LRP1B: variants seen among roughly 807,000 people sequenced by gnomAD.
LRP1B encodes the protein low-density lipoprotein receptor-related protein 1B.
In LRP1B, 217 loss-of-function variants were observed where a neutral mutation model predicts 556.6. The observed-to-expected ratio is 0.39, with a 90% CI of 0.35 to 0.44. The LOEUF is 0.44. Ranked by LOEUF, LRP1B falls within the 20% of genes least tolerant of loss-of-function variation. The pLI is 1.00. For synonymous variants in LRP1B, 2,047 were observed against 1,865.8 expected, an observed-to-expected ratio of 1.10 and a Z score of -2.50; for missense variants, 5,053 against 5,620.8, an observed-to-expected ratio of 0.90 and a Z score of 3.23.
At chr2:141,369,889 A>G (rs1489133535) in intron 3 of LRP1B, among the ~76,000 whole-genome samples, 1 of 152,186 alleles carries the variant, frequency 6.6e-6, no homozygotes. Flanking sequence ...AAGAACATGC[A>G]GTATTTGACT....
At position 140,358,941 on chromosome 2, in the gene LRP1B, A is replaced by T; in HGVS notation, c.11137T>A (p.Phe3713Ile). Residue 3713 changes from phenylalanine to isoleucine, a missense_variant, in exon 73 of 91, where the codon TTT becomes ATT. By Grantham distance (21) the Phe-to-Ile change is conservative (BLOSUM62 0). Transcript: ENST00000389484. ...SDEAPDMCVK[F>I]LCPSTRPHRC... The stretch of plus-strand genomic sequence containing the variant: ...TGAGGTCTCGTGGATGGACAAAGAA[A>T]TTTGACTGAAGAAAAAGAAGAAAAA... The T allele has an allele frequency of 6.2e-7, 1 of 1,606,536 alleles. No individual in the cohort carries two copies.
chr2:141,253,245 C>T (rs994469091), intron 4 of LRP1B, among the ~76,000 whole-genome samples: 2 of 152,090 alleles, frequency 1.3e-5, no homozygotes, highest in Non-Finnish European at 2.9e-5. Context: ...AGGCATCTAC[C>T]GTTGCCCTTA....
At chr2:140,561,257 A>G (rs1271551814) in intron 43 of LRP1B, among the ~76,000 whole-genome samples, 1 of 152,156 alleles carries the variant, frequency 6.6e-6, no homozygotes, top group Non-Finnish European at 1.5e-5. Flanking sequence ...ACAGTAGGTC[A>G]TAAGTCCCTC....
In LRP1B at chr2:141,907,367, TTTTAA is replaced by T. The variant is rs575493818; in HGVS notation, c.83-96971_83-96967del. ...CTTAGAGAATTTAATAACCACTCCA[TTTTAA>T]ATCTAAATGTGAATATAATTTTTAA... On this transcript the variant is annotated intron_variant, in intron 1 of 90. Coordinates refer to ENST00000389484, the MANE Select transcript of LRP1B (RefSeq NM_018557.3). Among the ~76,000 whole-genome samples the T allele has an allele frequency of 9.2e-5, 14 of 152,140 alleles. No homozygotes were observed. The East Asian group carries it at 2.7e-3, about 29-fold the overall frequency.
intron 1 of LRP1B, among the ~76,000 whole-genome samples, chr2:141,981,628 G>A (rs1574557395): frequency 1.3e-5 from 2 of 152,226 alleles, no homozygotes; most frequent in South Asian, 4.1e-4. Flanking sequence ...CAGAGAATGG[G>A]CAGTAGTAGG....
At chr2:142,130,551 G>A in intron 1 of LRP1B, 97 bp downstream of exon 1, 1 of 1,031,262 alleles carries the variant, frequency 9.7e-7, no homozygotes, top group East Asian at 2.6e-5. Context: ...GAGCGGAGCT[G>A]CAAGGACTTA....
At chr2:141,196,076 G>T (rs927737622) in intron 6 of LRP1B, among the ~76,000 whole-genome samples, 3 of 152,062 alleles carry the variant, frequency 2.0e-5, no homozygotes, top group Non-Finnish European at 2.9e-5. Flanking sequence ...GCAAAGATAG[G>T]CAGGGATATG....
chr2:142,045,923 T>C (rs1704243382), intron 1 of LRP1B, among the ~76,000 whole-genome samples: 1 of 151,908 alleles, frequency 6.6e-6, no homozygotes, highest in Non-Finnish European at 1.5e-5. Context: ...TGAATGCTAA[T>C]AGAATATGCT....
intron 3 of LRP1B, among the ~76,000 whole-genome samples, chr2:141,436,504 C>T (rs560783929): frequency 1.3e-5 from 2 of 152,176 alleles, no homozygotes; most frequent in South Asian, 2.1e-4. Flanking sequence ...TGCTTAATGT[C>T]CTTAGGACAA....
In LRP1B at chr2:141,280,476, G is replaced by A. The variant is rs565614023; in HGVS notation, c.344-25835C>T. Among the ~76,000 whole-genome samples the A allele has an allele frequency of 2.4e-4, 36 of 152,014 alleles. No individual in the cohort carries two copies. In the South Asian group the frequency reaches 7.3e-3, roughly 31 times the overall value. ...CAAGAAACAACATATAAGCTATTAA[G>A]TTGGTGCAAAATAATTGTGGTTTTT... is the stretch of plus-strand genomic sequence containing the variant. On this transcript the variant is annotated intron_variant, in intron 3 of 90. Transcript: ENST00000389484.
chr2:140,527,476 G>T (rs562213738), intron 47 of LRP1B, among the ~76,000 whole-genome samples: 4 of 151,964 alleles, frequency 2.6e-5, no homozygotes, highest in Admixed American at 1.3e-4. Flanking sequence ...TATGTCATTT[G>T]TATTTCATAA....
chr2:141,168,525 T>C (rs1346127977), intron 7 of LRP1B, among the ~76,000 whole-genome samples: 2 of 151,710 alleles, frequency 1.3e-5, no homozygotes, highest in Admixed American at 6.6e-5. Flanking sequence ...ACCACAAACT[T>C]AGAGAGAAAA....
intron 84 of LRP1B, among the ~76,000 whole-genome samples, chr2:140,290,500 A>G (rs1183090710): frequency 6.6e-6 from 1 of 152,088 alleles, no homozygotes; most frequent in East Asian, 1.9e-4. Flanking sequence ...TGAATGTTGT[A>G]AAGAATCTTA....
intron 3 of LRP1B, among the ~76,000 whole-genome samples, chr2:141,278,613 C>T (rs1685393760): frequency 6.6e-6 from 1 of 152,092 alleles, no homozygotes; most frequent in Admixed American, 6.6e-5. Context: ...TGAGGGTGAT[C>T]TTTTCCCTTA....
In LRP1B at chr2:141,015,762, T is replaced by C; in HGVS notation, c.2124A>G (p.Thr708=). ...CGTAATAGGCATCACACCAGTATAA[T>C]GTGTTGGTGTGAAAGTCCAGAGTTA... The part of the protein sequence containing the change: ...NGLTLDFHTN[T]LYWCDAYYDH... The change falls in exon 13 of 91, where the codon ACA becomes ACG. Residue 708 remains threonine (T), a synonymous_variant. Transcript: ENST00000389484. 2 of 1,613,512 alleles carry C rather than the reference T, an allele frequency of 1.2e-6. No individual in the cohort carries two copies. The highest frequency in any genetic ancestry group is 1.7e-6 in the Non-Finnish European group (2 of 1,179,734).
At chr2:140,263,548 C>A (rs756198770) in intron 86 of LRP1B, among the ~76,000 whole-genome samples, 18 of 152,102 alleles carry the variant, frequency 1.2e-4, no homozygotes, top group Non-Finnish European at 2.5e-4. Flanking sequence ...TGTTTACTAT[C>A]AGCAGCAAGG....
intron 43 of LRP1B, among the ~76,000 whole-genome samples, chr2:140,559,434 A>G (rs1200139718): frequency 6.6e-6 from 1 of 152,182 alleles, no homozygotes; most frequent in African/African-American, 2.4e-5. Context: ...AGAGAATACA[A>G]AGAACAATTG....
At chr2:140,544,193 A>C (rs1680240442) in intron 43 of LRP1B, among the ~76,000 whole-genome samples, 1 of 52,492 alleles carries the variant, frequency 1.9e-5, no homozygotes, top group African/African-American at 4.6e-5. Flanking sequence ...TCACAGGGGT[A>C]TTAACTTTTG....
At chr2:141,802,569 G>A (rs1403474506) in intron 2 of LRP1B, among the ~76,000 whole-genome samples, 3 of 152,076 alleles carry the variant, frequency 2.0e-5, no homozygotes, top group Non-Finnish European at 4.4e-5. Flanking sequence ...AAATTCCATA[G>A]GCAGAGAGTA....
Sources: allele counts gnomAD v4.1 joint callset (sites outside exome capture counted in the v4.1 genomes callset), GRCh38; gene constraint gnomAD v4.1.1; transcripts MANE v1.5; gene names NCBI Gene and HGNC (gene_info 2026-07-23, HGNC 2026-07-21).